The following NUP85 variants were observed in gnomAD, a reference collection of about 807,000 sequenced individuals.
The protein encoded by NUP85 is nuclear pore complex protein Nup85.
In NUP85, 23 loss-of-function variants were observed where a neutral mutation model predicts 92.8. That is an observed-to-expected ratio of 0.25 (90% CI 0.18 to 0.35). The LOEUF (loss-of-function observed/expected upper bound fraction) is 0.35. Ranked by LOEUF, NUP85 falls within the 10% of genes least tolerant of loss-of-function variation. The probability of loss-of-function intolerance (pLI) is 1.00; values close to 1 mark genes in which losing one functional copy is unlikely to be tolerated. For synonymous variants in NUP85, 314 were observed against 306.9 expected (o/e 1.02, Z -0.24); for missense variants, 759 against 822.8 (o/e 0.92, Z 0.95).
rs542594058 is a variant in NUP85, at chr17:75,231,205, G to A, written c.1095-135G>A. The A allele has an allele frequency of 9.8e-6, 8 of 818,326 alleles. No homozygotes were observed. The highest frequency in any genetic ancestry group is 2.0e-5 in the Admixed American group (1 of 50,066). 50.7% of individuals were successfully genotyped at this position (818,326 alleles called of 1,614,324 possible). ...TGGCCTCCCAAAGTACTGGGATCACGGGCATGAGCTATCATCACGCCCGGC... is the reference window on the plus strand; with the variant it reads ...TGGCCTCCCAAAGTACTGGGATCACAGGCATGAGCTATCATCACGCCCGGC... On this transcript the variant is annotated intron_variant, in intron 11 of 18. Transcript: ENST00000245544. The surrounding 1 kb of genome is among the most constrained non-coding windows in gnomAD (Gnocchi z 4.6).
chr17:75,222,495 ATTTTTTTTTTTT>A (rs578181379), intron 7 of NUP85, among the ~76,000 whole-genome samples: 6 of 83,430 alleles, frequency 7.2e-5, no homozygotes, highest in African/African-American at 2.0e-4. Flanking sequence ...TATATTTGTG[ATTTTTTTTTTTT>A]TTTTTTTTTT....
intron 5 of NUP85, 33 bp downstream of exon 5, chr17:75,213,152 A>T (rs986184302): frequency 1.9e-6 from 3 of 1,608,968 alleles, no homozygotes; most frequent in African/African-American, 1.3e-5. Flanking sequence ...TTTTAGCACC[A>T]CTGTGTCCTG....
At chr17:75,220,658 G>C (rs887179909) in intron 7 of NUP85, among the ~76,000 whole-genome samples, 6 of 151,808 alleles carry the variant, frequency 4.0e-5, no homozygotes, top group African/African-American at 1.5e-4. Flanking sequence ...CGCTATCTCA[G>C]TTCACTGCAA....
chr17:75,231,968 T>TAG lies in NUP85; in HGVS notation c.1385_1386insAG (p.Met462IlefsTer13). 1.9e-6 allele frequency: 3 copies of TAG among 1,614,166 alleles called. No individual in the cohort carries two copies. Among genetic ancestry groups the TAG allele is most frequent in the Non-Finnish European group, 2.5e-6 (3 of 1,180,028 alleles). ...CTGCGGATCTGTGAGCAGCGGCAGA[T>TAG]GACTGAACAAGGTGAGCTGGCCCTG... On this transcript the variant is annotated frameshift_variant, in exon 14 of 19. Coordinates refer to ENST00000245544, the MANE Select transcript of NUP85 (RefSeq NM_024844.5). LOFTEE classifies it high-confidence loss of function. The surrounding 1 kb of genome is among the most constrained non-coding windows in gnomAD (Gnocchi z 4.6).
chr17:75,233,067 G>C lies in NUP85; in HGVS notation c.1524G>C (p.Arg508Ser). Reference sequence around the variant, plus strand: ...GGGCCGGGCCCTGCAGGTTCCTCAGGGATTACTGTGAGCGAGGCTGCTTTT... The same window carrying C: ...GGGCCGGGCCCTGCAGGTTCCTCAGCGATTACTGTGAGCGAGGCTGCTTTT... The part of the protein sequence containing the change: ...FATLVSDRFL[R>S]DYCERGCFSD... The change falls in exon 16 of 19, where the codon AGG becomes AGC. Residue 508 changes from arginine to serine, a missense_variant. By Grantham distance (110) the Arg-to-Ser change is moderately radical. Coordinates refer to ENST00000245544, the MANE Select transcript of NUP85 (RefSeq NM_024844.5). The C allele has an allele frequency of 6.2e-7, 1 of 1,614,116 alleles. No individual in the cohort carries two copies. The highest frequency in any genetic ancestry group is 8.5e-7 in the Non-Finnish European group (1 of 1,180,014).
intron 16 of NUP85, among the ~76,000 whole-genome samples, chr17:75,234,251 C>G (rs2076232969): frequency 6.6e-6 from 1 of 151,746 alleles, no homozygotes; most frequent in Non-Finnish European, 1.5e-5. Flanking sequence ...GGGGTTTCAC[C>G]ATGTTGGCCA....
chr17:75,223,992 C>T (rs9908399), intron 7 of NUP85, among the ~76,000 whole-genome samples: 139,136 of 152,158 alleles, frequency 0.91, 64,605 homozygotes, highest in Non-Finnish European at 1. Context: ...GGTTCTTCTC[C>T]AGTCCCTCCT....
chr17:75,232,253 G>T, intron 14 of NUP85: 1 of 442,454 alleles, frequency 2.3e-6, no homozygotes, highest in South Asian at 2.3e-5. Flanking sequence ...ACGAGGTCAG[G>T]GCTGGGGTTG....
intron 5 of NUP85, among the ~76,000 whole-genome samples, chr17:75,213,433 G>A (rs1197477322): frequency 6.6e-6 from 1 of 150,870 alleles, no homozygotes; most frequent in East Asian, 2.0e-4. Context: ...TGGGATTATA[G>A]GTGCATGCCA....
At chr17:75,226,270 T>A in intron 11 of NUP85, 113 bp downstream of exon 11, 1 of 732,312 alleles carries the variant, frequency 1.4e-6, no homozygotes, top group African/African-American at 1.7e-5. Context: ...AGACCTGCTA[T>A]CTTAGTCCAT....
At position 75,231,682 on chromosome 17, in the gene NUP85, GC is replaced by G; in HGVS notation, c.1244+45del. The G allele has an allele frequency of 6.4e-7, 1 of 1,566,218 alleles. No homozygotes were observed. Among genetic ancestry groups the G allele is most frequent in the Non-Finnish European group, 8.5e-7 (1 of 1,173,738 alleles). Reference sequence around the variant, plus strand: ...GTGTGGGCTATGCGGGTGCTCTTCAGCATGCGGGTGCCATTGGAGCTTGGAC... The same window carrying G: ...GTGTGGGCTATGCGGGTGCTCTTCAGATGCGGGTGCCATTGGAGCTTGGAC... On this transcript the variant is annotated intron_variant, in intron 13 of 18. Transcript: ENST00000245544. This position sits in a 1 kb window ranked among gnomAD's most constrained non-coding sequence, Gnocchi z 4.6.
At chr17:75,211,941 G>A (rs2075271378) in intron 3 of NUP85, 51 bp from the exon 4 acceptor site, 3 of 1,372,952 alleles carry the variant, frequency 2.2e-6, no homozygotes. Context: ...TTCCTTTGTG[G>A]CACTACAAGA....
intron 7 of NUP85, among the ~76,000 whole-genome samples, chr17:75,223,635 G>A (rs773988149): frequency 3.9e-5 from 6 of 152,156 alleles, no homozygotes; most frequent in Admixed American, 6.5e-5. Context: ...TGATCCACCC[G>A]TCTCGGCCTC....
In NUP85 at chr17:75,205,726, G is replaced by T; in HGVS notation, c.-36G>T. 6.2e-7 allele frequency: 1 copy of T among 1,613,952 alleles called. No individual in the cohort carries two copies. The highest frequency in any genetic ancestry group is 8.5e-7 in the Non-Finnish European group (1 of 1,179,844). ...GGAGGCCTGAGCGGGAAGCATTGGC[G>T]TCCGAGCGACTTCTAGGAGCCTGGG... On this transcript the variant is annotated 5_prime_UTR_variant, in exon 1 of 19. Coordinates refer to ENST00000245544, the MANE Select transcript of NUP85 (RefSeq NM_024844.5).
At chr17:75,214,506 A>G (rs183243909) in intron 5 of NUP85, among the ~76,000 whole-genome samples, 7 of 152,324 alleles carry the variant, frequency 4.6e-5, no homozygotes, top group African/African-American at 1.4e-4. Context: ...TCTACTGAAT[A>G]TTCTTCTAAA....
intron 6 of NUP85, among the ~76,000 whole-genome samples, chr17:75,217,209 ACCACCACGCC>A (rs2075456778): frequency 6.6e-6 from 1 of 151,856 alleles, no homozygotes; most frequent in South Asian, 2.1e-4. Flanking sequence ...ACAGGCCTGC[ACCACCACGCC>A]CGGCTAATTT....
intron 7 of NUP85, 142 bp from the exon 8 acceptor site, chr17:75,224,961 T>A: frequency 6.8e-6 from 5 of 734,890 alleles, no homozygotes; most frequent in Non-Finnish European, 8.4e-6. Context: ...CCATCATTCT[T>A]CCCAGGGCAG....
intron 7 of NUP85, among the ~76,000 whole-genome samples, chr17:75,224,691 G>A (rs1223533425): frequency 6.6e-6 from 1 of 152,078 alleles, no homozygotes; most frequent in Admixed American, 6.6e-5. Context: ...AATTAGCTGG[G>A]CGTGATGGCA....
chr17:75,228,761 G>A (rs1568088587), intron 11 of NUP85: 1 of 985,288 alleles, frequency 1.0e-6, no homozygotes, highest in Non-Finnish European at 1.2e-6. Flanking sequence ...ACATGGAGAA[G>A]GGAGGTTTCT....
Sources: gnomAD v4.1 joint callset for allele counts (sites outside exome capture counted in the v4.1 genomes callset) on GRCh38, gnomAD v4.1.1 for gene constraint, Gnocchi (gnomAD v3.1) non-coding constraint, MANE v1.5 for transcripts, NCBI Gene and HGNC (gene_info 2026-07-23, HGNC 2026-07-21) for gene names.